Variants in QRICH2 observed in about 807,000 individuals in gnomAD.
The protein encoded by QRICH2 is glutamine-rich protein 2.
QRICH2 carries 119 observed loss-of-function variants against 168.3 expected under a neutral mutation model. The ratio of observed to expected loss-of-function variants is 0.71; its 90% CI spans 0.61 to 0.82. The LOEUF (loss-of-function observed/expected upper bound fraction) is 0.82, where lower values mean the gene tolerates loss of function less well. Ranked by LOEUF, QRICH2 falls within the 40% of genes least tolerant of loss-of-function variation. The pLI, the probability that QRICH2 is intolerant of heterozygous loss-of-function variation, is 0.00. For missense variants in QRICH2, 2,241 were observed against 2,491.6 expected (o/e 0.90, Z 2.14); for synonymous variants, 894 against 951.2 (o/e 0.94, Z 1.11).
rs564051263 is a variant in QRICH2 at position 76,281,661 on chromosome 17, C to G, written c.4263+203G>C. Among the ~76,000 whole-genome samples, 5 of 152,350 alleles carry G rather than the reference C, an allele frequency of 3.3e-5. No individual in the cohort carries two copies. In the South Asian group the frequency reaches 1.0e-3, roughly 32 times the overall value. On this transcript the variant is annotated intron_variant, in intron 8 of 18. Transcript: ENST00000680821. This position sits in a 1 kb window ranked among gnomAD's most constrained non-coding sequence, Gnocchi z 4.4. ...AGCTCTTCCCCATGGTCTCCTGTCC[C>G]CAAAGCTAGTTCTGCTGCTACCCTC...
chr17:76,299,124 C>T (rs1406300308), intron 3 of QRICH2, among the ~76,000 whole-genome samples: 2 of 152,014 alleles, frequency 1.3e-5, no homozygotes, highest in Non-Finnish European at 2.9e-5. Context: ...AATTGTTTTC[C>T]GATCGCCAAC....
upstream of QRICH2, chr17:76,310,616 G>C (rs530511457): frequency 6.6e-6 from 1 of 151,614 alleles, no homozygotes; most frequent in East Asian, 1.9e-4. Context: ...ACAGGCACAT[G>C]CTACCAATGC....
chr17:76,296,035 C>T lies in QRICH2; in HGVS notation c.706-2014G>A, dbSNP rs149635231. ...GTCAGGAGTTCAAGACCAGCCTGAC[C>T]AACATGGTGAAACCCCGTCTCTACT... On this transcript the variant is annotated intron_variant, in intron 3 of 18. Coordinates refer to ENST00000680821, the MANE Select transcript of QRICH2 (RefSeq NM_001388453.1). Among the ~76,000 whole-genome samples, 259 of 152,244 alleles carry T rather than the reference C, an allele frequency of 1.7e-3. 1 individual carries two copies. Among genetic ancestry groups the T allele is most frequent in the African/African-American group, 6.1e-3 (255 of 41,554 alleles).
Position 76,291,123 on chromosome 17 carries a change from C to G in QRICH2, c.3604G>C (p.Glu1202Gln), listed in dbSNP as rs2279052. Reference sequence around the variant, plus strand: ...AGCCCCACATAGAGGCTACTGAGCTCTCCCATCAGATGAAATGTCTCCACT... The same window carrying G: ...AGCCCCACATAGAGGCTACTGAGCTGTCCCATCAGATGAAATGTCTCCACT... ...TAVETFHLMG[E>Q]LSSLYVGLKE... The change falls in exon 4 of 19, where the codon GAG (glutamate) becomes CAG (glutamine). Residue 1202 changes from glutamate to glutamine, a missense_variant. By Grantham distance (29) the Glu-to-Gln change is conservative (BLOSUM62 2). Transcript: ENST00000680821. The G allele has an allele frequency of 0.31, 499,001 of 1,613,804 alleles. 81,351 individuals carry two copies. Among genetic ancestry groups the G allele is most frequent in the East Asian group, 0.61 (27,517 of 44,864 alleles).
At chr17:76,299,129 G>A (rs114482912) in intron 3 of QRICH2, among the ~76,000 whole-genome samples, 1 of 151,976 alleles carries the variant, frequency 6.6e-6, no homozygotes, top group Non-Finnish European at 1.5e-5. Context: ...TTTTCCGATC[G>A]CCAACCTACC....
rs909190496 is a variant in QRICH2, at chr17:76,274,216, G to A, written c.5527C>T (p.Leu1843Phe). Residue 1843 changes from leucine (L) to phenylalanine (F), a missense_variant, in exon 19 of 19, where the codon CTC becomes TTC. Transcript: ENST00000680821. ...QKDRPSSEGR[L>F]SQPNTAHPPS... ...GGGTGGGCTGTGTTCGGCTGGGAGA[G>A]ACGGCCCTCGGAGGAAGGTCTATCT... 1 of 1,599,092 alleles carries A rather than the reference G, an allele frequency of 6.3e-7. No homozygotes were observed. The highest frequency in any genetic ancestry group is 8.5e-7 in the Non-Finnish European group (1 of 1,175,032).
At position 76,279,431 on chromosome 17, in the gene QRICH2, G is replaced by C; in HGVS notation, c.4749-3C>G. ...AGTGGAAATGTGCCAGGAGCTGCCT[G>C]TTAGGAATGGGACGCACACGCAGGG... On this transcript the variant is annotated splice_region_variant and splice_polypyrimidine_tract_variant and intron_variant, in intron 12 of 18. Coordinates refer to ENST00000680821, the MANE Select transcript of QRICH2 (RefSeq NM_001388453.1). 6.2e-7 allele frequency: 1 copy of C among 1,609,188 alleles called. No homozygotes were observed. The highest frequency in any genetic ancestry group is 8.5e-7 in the Non-Finnish European group (1 of 1,177,764).
intron 1 of QRICH2, among the ~76,000 whole-genome samples, chr17:76,305,895 C>T (rs765663734): frequency 2.0e-5 from 3 of 152,060 alleles, no homozygotes; most frequent in Non-Finnish European, 2.9e-5. Context: ...AAAGGCCAGG[C>T]GCAGTGGCTC....
rs1296491198 is a variant in QRICH2, at chr17:76,292,337, A to G, written c.2390T>C (p.Val797Ala). The G allele has an allele frequency of 1.6e-5, 12 of 766,252 alleles. No homozygotes were observed. Among genetic ancestry groups the G allele is most frequent in the Non-Finnish European group, 2.0e-5 (12 of 604,020 alleles). The allele number at this position is 766,252 out of a possible 1,614,324, so 47.5% of individuals were successfully genotyped here. A position where few individuals can be genotyped will look rare whatever the true frequency, so the allele number is the denominator to read the frequency against. Residue 797 changes from valine (V) to alanine (A), a missense_variant, in exon 4 of 19, where the codon GTT (valine) becomes GCT (alanine). Val to Ala is a moderately conservative substitution (Grantham distance 64, BLOSUM62 0). This residue lies in a region of QRICH2 where 2,047 missense variants were observed against 2,303.8 expected (regional missense o/e 0.89). Transcript: ENST00000680821. ...VQRSLVQPGIVQRGLVQPGAV... is the reference protein window; with the variant it reads ...VQRSLVQPGIAQRGLVQPGAV... ...ACCAGGTTGCACCAAACCACGCTGAACTATACCAGGTTGCACCAAACTACG... is the reference window on the plus strand; with the variant it reads ...ACCAGGTTGCACCAAACCACGCTGAGCTATACCAGGTTGCACCAAACTACG...
intron 3 of QRICH2, among the ~76,000 whole-genome samples, chr17:76,299,059 A>G (rs9902690): frequency 0.4 from 61,439 of 151,866 alleles, 14,376 homozygotes; most frequent in African/African-American, 0.65. Context: ...TGCTGATGGC[A>G]ACTTTTGCAC....
rs113422992 is a variant in QRICH2 at position 76,281,744 on chromosome 17, C to T, written c.4263+120G>A. 3.3e-5 allele frequency: 42 copies of T among 1,282,276 alleles called. 1 individual carries two copies. The African/African-American group carries it at 3.4e-4, about 10-fold the overall frequency. The allele number at this position is 1,282,276 out of a possible 1,614,324, so 79.4% of individuals were successfully genotyped here. A position where few individuals can be genotyped will look rare whatever the true frequency, so the allele number is the denominator to read the frequency against. On this transcript the variant is annotated intron_variant, in intron 8 of 18. Coordinates refer to ENST00000680821, the MANE Select transcript of QRICH2 (RefSeq NM_001388453.1). This position sits in a 1 kb window ranked among gnomAD's most constrained non-coding sequence, Gnocchi z 4.4. ...GTGGGATCTGGCTAAAGGGCTCCGC[C>T]ACGGAGAGCTGACCTTGAGGCCCAA... is the stretch of plus-strand genomic sequence containing the variant.
At chr17:76,299,831 C>T (rs959418661) in intron 3 of QRICH2, among the ~76,000 whole-genome samples, 1 of 151,632 alleles carries the variant, frequency 6.6e-6, no homozygotes, top group East Asian at 1.9e-4. Context: ...TAAAGCCAAA[C>T]CTTTTTTTTT....
intron 3 of QRICH2, among the ~76,000 whole-genome samples, chr17:76,302,725 G>A (rs2070926687): frequency 6.6e-6 from 1 of 152,156 alleles, no homozygotes; most frequent in African/African-American, 2.4e-5. Context: ...TACTGGCCTT[G>A]TGTCCTCCCG....
At chr17:76,294,564 G>C (rs2070763118) in intron 3 of QRICH2, among the ~76,000 whole-genome samples, 1 of 151,058 alleles carries the variant, frequency 6.6e-6, no homozygotes, top group East Asian at 2.0e-4. Flanking sequence ...TATAGTCCCA[G>C]CACTTTGGGA....
chr17:76,282,016 C>T lies in QRICH2; in HGVS notation c.4111G>A (p.Gly1371Ser), dbSNP rs1568108825. The change falls in exon 8 of 19, where the codon GGC becomes AGC. Residue 1371 changes from glycine to serine, a missense_variant. Coordinates refer to ENST00000680821, the MANE Select transcript of QRICH2 (RefSeq NM_001388453.1). ...CAGGTGGCCTCAGGGTCGATCTGGC[C>T]AGGAGCCAAGGTGTGGGCCTTGTGC... ...APHKAHTLAP[G>S]QIDPEATCPA... The T allele has an allele frequency of 1.9e-6, 3 of 1,613,486 alleles. No individual in the cohort carries two copies. The highest frequency in any genetic ancestry group is 1.3e-5 in the African/African-American group (1 of 74,940).
chr17:76,279,789 G>C (rs746617683), intron 12 of QRICH2, among the ~76,000 whole-genome samples: 1 of 152,234 alleles, frequency 6.6e-6, no homozygotes, highest in Non-Finnish European at 1.5e-5. Flanking sequence ...CAAAGGCCCA[G>C]CTTAGCTCAG....
chr17:76,291,217 T>C lies in QRICH2; in HGVS notation c.3510A>G (p.Glu1170=), dbSNP rs751135485. The C allele has an allele frequency of 8.7e-6, 14 of 1,614,076 alleles. No individual in the cohort carries two copies. The East Asian group carries it at 1.6e-4, about 18-fold the overall frequency. The change falls in exon 4 of 19, where the codon GAA becomes GAG. Residue 1170 remains glutamate (E), a synonymous_variant. Coordinates refer to ENST00000680821, the MANE Select transcript of QRICH2 (RefSeq NM_001388453.1). ...GCTCACTCAGGACTTCACTCGAGAC[T>C]TCGCTCCCTTCTGATAAGACTCGGT... is the stretch of plus-strand genomic sequence containing the variant. ...SVDRVLSEGS[E]VSSEVLSERR... is the part of the protein sequence containing the mutation.
chr17:76,304,436 G>T lies in QRICH2; in HGVS notation c.684C>A (p.Asp228Glu). 1 of 1,613,038 alleles carries T rather than the reference G, an allele frequency of 6.2e-7. No homozygotes were observed. Among genetic ancestry groups the T allele is most frequent in the Non-Finnish European group, 8.5e-7 (1 of 1,179,726 alleles). The change falls in exon 3 of 19, where the codon GAC (aspartate) becomes GAA (glutamate). Residue 228 changes from aspartate (D) to glutamate (E), a missense_variant. Physicochemically the swap from Asp to Glu is conservative, Grantham distance 45. This residue lies in a region of QRICH2 where 2,047 missense variants were observed against 2,303.8 expected (regional missense o/e 0.89). Transcript: ENST00000680821. Reference sequence around the variant, plus strand: ...TCACCGCTTGTGAGGCTCTCCAGCCGTCCGTAATCGCCTGCTCCAGCTCTT... The same window carrying T: ...TCACCGCTTGTGAGGCTCTCCAGCCTTCCGTAATCGCCTGCTCCAGCTCTT... Reference protein sequence around the residue: ...TWEELEQAITDGWRASQAGSE... With the variant: ...TWEELEQAITEGWRASQAGSE...
chr17:76,291,738 C>T lies in QRICH2; in HGVS notation c.2989G>A (p.Asp997Asn). Residue 997 changes from aspartate (D) to asparagine (N), a missense_variant, in exon 4 of 19, where the codon GAT becomes AAT. By Grantham distance (23) the Asp-to-Asn change is conservative. Around this residue, in one of 3 missense-constraint regions of QRICH2, gnomAD observed 2,047 missense variants for 2,303.8 expected, o/e 0.89. Coordinates refer to ENST00000680821, the MANE Select transcript of QRICH2 (RefSeq NM_001388453.1). Reference sequence around the variant, plus strand: ...CGTACTGATATAAAACCTGTAGAATCTGCCTGGAATGTTGAAGAGCCACGA... The same window carrying T: ...CGTACTGATATAAAACCTGTAGAATTTGCCTGGAATGTTGAAGAGCCACGA... The part of the protein sequence containing the change: ...KLRGSSTFQA[D>N]STGFISVRPY... 1 of 1,614,190 alleles carries T rather than the reference C, an allele frequency of 6.2e-7. No homozygotes were observed. The highest frequency in any genetic ancestry group is 8.5e-7 in the Non-Finnish European group (1 of 1,180,044).
Sources: gnomAD v4.1 joint callset for allele counts (sites outside exome capture counted in the v4.1 genomes callset) on GRCh38, gnomAD v4.1.1 for gene constraint, gnomAD v4.1.1 regional missense constraint, Gnocchi (gnomAD v3.1) non-coding constraint, MANE v1.5 for transcripts, NCBI Gene and HGNC (gene_info 2026-07-23, HGNC 2026-07-21) for gene names.